Variants in RAVER1 observed in about 807,000 individuals in gnomAD.
RAVER1 encodes the protein ribonucleoprotein, PTB binding 1, also known as ribonucleoprotein PTB-binding 1.
A neutral mutation model predicts 68.4 loss-of-function variants in RAVER1; 36 were observed. The ratio of observed to expected loss-of-function variants is 0.53; its 90% confidence interval spans 0.40 to 0.70. The LOEUF (loss-of-function observed/expected upper bound fraction) is 0.70. Ranked by LOEUF, RAVER1 falls within the 30% of genes least tolerant of loss-of-function variation. RAVER1 has a pLI of 0.00. For missense variants in RAVER1, 933 were observed against 1,019.8 expected (o/e 0.91, Z 1.16); for synonymous variants, 469 against 472.7 (o/e 0.99, Z 0.10).
chr19:10,322,721 G>T lies in RAVER1; in HGVS notation c.1097C>A (p.Pro366Gln), dbSNP rs769041940. The change falls in exon 6 of 13, where the codon CCA becomes CAA. Residue 366 changes from proline to glutamine, a missense_variant. Pro to Gln is a moderately conservative substitution (Grantham distance 76). This residue lies in a region of RAVER1 where 699 missense variants were observed against 731.1 expected (regional missense o/e 0.96). Transcript: ENST00000617231. The surrounding 1 kb of genome is among the most constrained non-coding windows in gnomAD (Gnocchi z 4.3). Reference sequence around the variant, plus strand: ...TGGCCCATTGAGCAGCGGCATGGCTGGGGGGGCACCCAGGAGGCCTGGAGG... The same window carrying T: ...TGGCCCATTGAGCAGCGGCATGGCTTGGGGGGCACCCAGGAGGCCTGGAGG... ...GGKQGLLGAP[P>Q]AMPLLNGPAL... 8 of 1,509,018 alleles carry T rather than the reference G, an allele frequency of 5.3e-6. No homozygotes were observed. The highest frequency in any genetic ancestry group is 1.3e-5 in the South Asian group (1 of 74,226). 93.5% of individuals were successfully genotyped at this position (1,509,018 alleles called of 1,614,324 possible). A position where few individuals can be genotyped will look rare whatever the true frequency, so the allele number is the denominator to read the frequency against.
intron 3 of RAVER1, among the ~76,000 whole-genome samples, chr19:10,325,056 T>C (rs2040464744): frequency 6.6e-6 from 1 of 151,874 alleles, no homozygotes; most frequent in Admixed American, 6.6e-5. Flanking sequence ...AGTCTCGCTC[T>C]GTTGCCCAGG....
chr19:10,333,482 T>A lies in RAVER1; in HGVS notation c.26A>T (p.His9Leu). The A allele has an allele frequency of 6.2e-7, 1 of 1,608,594 alleles. No individual in the cohort carries two copies. Reference sequence around the variant, plus strand: ...AGACTTAGGGCTCAGCGGGGGCCGGTGAGTAACGGACACGTCCGCCGCCAT... The same window carrying A: ...AGACTTAGGGCTCAGCGGGGGCCGGAGAGTAACGGACACGTCCGCCGCCAT... Reference protein sequence around the residue: MAADVSVTHRPPLSPKSGA... With the variant: MAADVSVTLRPPLSPKSGA... Residue 9 changes from histidine (H) to leucine (L), a missense_variant, in exon 1 of 13, where the codon CAC becomes CTC. Physicochemically the swap from His to Leu is moderately conservative, Grantham distance 99. This residue lies in a region of RAVER1 where 211 missense variants were observed against 230.0 expected (regional missense o/e 0.92). Transcript: ENST00000617231. The surrounding 1 kb of genome is among the most constrained non-coding windows in gnomAD (Gnocchi z 4.2).
chr19:10,320,723 G>A lies in RAVER1; in HGVS notation c.1702C>T (p.Pro568Ser). 2 of 1,542,816 alleles carry A rather than the reference G, an allele frequency of 1.3e-6. No homozygotes were observed. Among genetic ancestry groups the A allele is most frequent in the Non-Finnish European group, 1.7e-6 (2 of 1,152,518 alleles). ...GGGGGCAGGCGGGCGCTGCTGAGGG[G>A]GCTGAGCAGGCGGGACTTGAGCTGG... ...AFQLKSRLLSPLSSARLPPEP... is the reference protein window; with the variant it reads ...AFQLKSRLLSSLSSARLPPEP... The change falls in exon 9 of 13, where the codon CCC (proline) becomes TCC (serine). Residue 568 changes from proline (P) to serine (S), a missense_variant. Transcript: ENST00000617231.
Position 10,322,801 on chromosome 19 carries a change from AAC to A in RAVER1, c.1079-64_1079-63del, listed in dbSNP as rs1465880451. On this transcript the variant is annotated intron_variant, in intron 5 of 12. Transcript: ENST00000617231. The surrounding 1 kb of genome is among the most constrained non-coding windows in gnomAD (Gnocchi z 4.3). ...GTGTCCTCCCTGCCCCACCTCACGA[AAC>A]ACAGCCCTGAACCCATTGATGGGGC... is the stretch of plus-strand genomic sequence containing the variant. 9.9e-7 allele frequency: 1 copy of A among 1,005,200 alleles called. No homozygotes were observed. The highest frequency in any genetic ancestry group is 3.1e-5 in the East Asian group (1 of 32,744). The allele number at this position is 1,005,200 out of a possible 1,614,324, so 62.3% of individuals were successfully genotyped here. A position where few individuals can be genotyped will look rare whatever the true frequency, so the allele number is the denominator to read the frequency against.
Position 10,328,340 on chromosome 19 carries a change from CAGG to C in RAVER1, c.756+299_756+301del, listed in dbSNP as rs1438461530. Among the ~76,000 whole-genome samples, 1 of 152,160 alleles carries C rather than the reference CAGG, an allele frequency of 6.6e-6. No individual in the cohort carries two copies. Among genetic ancestry groups the C allele is most frequent in the Non-Finnish European group, 1.5e-5 (1 of 68,022 alleles). ...GCACTTTGGGAGGATCACCTGAGGC[CAGG>C]AGTTCAAGACTATCCTGGCCAACAT... On this transcript the variant is annotated intron_variant, in intron 3 of 12. Transcript: ENST00000617231. The surrounding 1 kb of genome is among the most constrained non-coding windows in gnomAD (Gnocchi z 4.4).
In RAVER1 at chr19:10,322,374, G is replaced by T; in HGVS notation, c.1173+271C>A. The T allele has an allele frequency of 2.2e-6, 1 of 448,770 alleles. No individual in the cohort carries two copies. The highest frequency in any genetic ancestry group is 4.1e-5 in the East Asian group (1 of 24,506). The allele number at this position is 448,770 out of a possible 1,614,324, so 27.8% of individuals were successfully genotyped here. A position where few individuals can be genotyped will look rare whatever the true frequency, so the allele number is the denominator to read the frequency against. On this transcript the variant is annotated intron_variant, in intron 6 of 12. Coordinates refer to ENST00000617231, the MANE Select transcript of RAVER1 (RefSeq NM_133452.3). This position sits in a 1 kb window ranked among gnomAD's most constrained non-coding sequence, Gnocchi z 4.3. ...CACACCCAGTTTCAGGCTGTAAATGGGCGTGTCCAGGTCCCCTGACCCCAC... is the reference window on the plus strand; with the variant it reads ...CACACCCAGTTTCAGGCTGTAAATGTGCGTGTCCAGGTCCCCTGACCCCAC...
At chr19:10,332,880 C>T (rs1335690128) in intron 1 of RAVER1, among the ~76,000 whole-genome samples, 1 of 152,140 alleles carries the variant, frequency 6.6e-6, no homozygotes, top group Non-Finnish European at 1.5e-5. Flanking sequence ...TCTCCGCAGT[C>T]CTGAAACTTC....
chr19:10,318,316 GC>G lies in RAVER1; in HGVS notation c.1901del (p.Gly634AlafsTer57). ...AGCCTGAATAGAAGTGAGACAGGGGGCCCCCGCCACTCCCACCGCTGCTCCG... is the reference window on the plus strand; with the variant it reads ...AGCCTGAATAGAAGTGAGACAGGGGGCCCCGCCACTCCCACCGCTGCTCCG... ...GERSSGGSGG[G>X]PLSHFYSGSP... On this transcript the variant is annotated frameshift_variant, in exon 11 of 13. Transcript: ENST00000617231. LOFTEE classifies it high-confidence loss of function. 1 of 1,562,578 alleles carries G rather than the reference GC, an allele frequency of 6.4e-7. No individual in the cohort carries two copies. Among genetic ancestry groups the G allele is most frequent in the African/African-American group, 1.4e-5 (1 of 73,272 alleles).
intron 10 of RAVER1, 92 bp from the exon 11 acceptor site, chr19:10,318,464 T>C: frequency 1.0e-6 from 1 of 955,348 alleles, no homozygotes; most frequent in South Asian, 1.6e-5. Flanking sequence ...GTTCAAGCGA[T>C]TCTCCTGCCT....
At chr19:10,332,905 C>T (rs1187612642) in intron 1 of RAVER1, among the ~76,000 whole-genome samples, 1 of 152,102 alleles carries the variant, frequency 6.6e-6, no homozygotes, top group African/African-American at 2.4e-5. Context: ...TGTGAGGTCC[C>T]GCCACCCTGT....
chr19:10,319,095 A>G lies in RAVER1; in HGVS notation c.1845+71T>C, dbSNP rs577187715. On this transcript the variant is annotated intron_variant, in intron 10 of 12. Coordinates refer to ENST00000617231, the MANE Select transcript of RAVER1 (RefSeq NM_133452.3). ...AATACAAGGTCTGCTGTTCCAGGCTACTAAGTCATGGCACAGCCTGTCATG... is the reference window on the plus strand; with the variant it reads ...AATACAAGGTCTGCTGTTCCAGGCTGCTAAGTCATGGCACAGCCTGTCATG... The G allele has an allele frequency of 7.2e-6, 10 of 1,397,238 alleles. No homozygotes were observed. In the South Asian group the frequency reaches 1.2e-4, roughly 17 times the overall value. The allele number at this position is 1,397,238 out of a possible 1,614,324, so 86.6% of individuals were successfully genotyped here. A position where few individuals can be genotyped will look rare whatever the true frequency, so the allele number is the denominator to read the frequency against.
At chr19:10,318,554 T>C (rs2040412401) in intron 10 of RAVER1, among the ~76,000 whole-genome samples, 182 bp from the exon 11 acceptor site, 2 of 152,150 alleles carry the variant, frequency 1.3e-5, no homozygotes, top group Admixed American at 1.3e-4. Context: ...GAGACGGGGT[T>C]TCTCCATGTT....
intron 2 of RAVER1, among the ~76,000 whole-genome samples, chr19:10,330,077 C>T (rs2040502426): frequency 1.3e-5 from 2 of 150,526 alleles, no homozygotes; most frequent in Non-Finnish European, 3.0e-5. Flanking sequence ...GAGCCGAGCT[C>T]GCGCCACTGC....
chr19:10,321,226 C>A lies in RAVER1; in HGVS notation c.1295G>T (p.Arg432Leu). 7.9e-7 allele frequency: 1 copy of A among 1,269,742 alleles called. No individual in the cohort carries two copies. The highest frequency in any genetic ancestry group is 3.2e-5 in the South Asian group (1 of 30,944). 78.7% of individuals were successfully genotyped at this position (1,269,742 alleles called of 1,614,324 possible). ...GGLPPELPPR[R>L]GKPPPLLPSV... ...TGGCAGCAGGGGTGGTGGCTTCCCT[C>A]GCCGGGGCGGCAGCTCCGGGGGCAG... is the stretch of plus-strand genomic sequence containing the variant. Residue 432 changes from arginine to leucine, a missense_variant, in exon 8 of 13, where the codon CGA (arginine) becomes CTA (leucine). Coordinates refer to ENST00000617231, the MANE Select transcript of RAVER1 (RefSeq NM_133452.3).
chr19:10,318,548 C>T (rs537398673), intron 10 of RAVER1, among the ~76,000 whole-genome samples, 176 bp from the exon 11 acceptor site: 5 of 152,184 alleles, frequency 3.3e-5, no homozygotes, highest in African/African-American at 1.2e-4. Flanking sequence ...TTAGTAGAGA[C>T]GGGGTTTCTC....
intron 9 of RAVER1, 67 bp downstream of exon 9, chr19:10,320,588 C>T (rs1464361616): frequency 1.4e-6 from 2 of 1,423,880 alleles, no homozygotes; most frequent in Admixed American, 2.4e-5. Flanking sequence ...ATAGTCAATC[C>T]TAGAGAAATA....
chr19:10,331,389 ACAAC>A (rs1568314185), intron 1 of RAVER1, among the ~76,000 whole-genome samples: 12 of 92,168 alleles, frequency 1.3e-4, no homozygotes, highest in Admixed American at 2.4e-4. Flanking sequence ...AAAAATAACA[ACAAC>A]AAAAAAAAAA....
intron 9 of RAVER1, among the ~76,000 whole-genome samples, chr19:10,320,434 G>A (rs1045470116): frequency 1.3e-5 from 2 of 150,698 alleles, no homozygotes; most frequent in Non-Finnish European, 3.0e-5. Context: ...AGCCCAAGAG[G>A]TTGAGGCTGC....
At position 10,319,190 on chromosome 19, in the gene RAVER1, C is replaced by T; in HGVS notation, c.1821G>A (p.Gly607=). The T allele has an allele frequency of 1.2e-6, 2 of 1,613,866 alleles. No homozygotes were observed. The highest frequency in any genetic ancestry group is 1.7e-6 in the Non-Finnish European group (2 of 1,179,774). Residue 607 remains glycine (G), a synonymous_variant, in exon 10 of 13, where the codon GGG becomes GGA. Transcript: ENST00000617231. ...LFSHPREPAL[G]PHGPSRHKMS... ...CCTTGTGTCGGCTGGGTCCGTGAGG[C>T]CCAAGGGCTGGTTCCCGTGGGTGGG...
Sources: allele counts gnomAD v4.1 joint callset (sites outside exome capture counted in the v4.1 genomes callset), GRCh38; gene constraint gnomAD v4.1.1; regional missense constraint gnomAD v4.1.1; non-coding constraint Gnocchi (gnomAD v3.1); transcripts MANE v1.5; gene names NCBI Gene and HGNC (gene_info 2026-07-23, HGNC 2026-07-21).